Variants in CPEB1 observed in about 807,000 individuals in gnomAD.
The protein encoded by CPEB1 is cytoplasmic polyadenylation element binding protein 1.
In CPEB1, 7 loss-of-function variants were observed where a neutral mutation model predicts 65.8. The observed-to-expected ratio is 0.11, with a 90% CI of 0.06 to 0.20. CPEB1 has a LOEUF of 0.20. CPEB1 is among the 10% of genes least tolerant of loss of function. The probability of loss-of-function intolerance (pLI) is 1.00; values close to 1 mark genes in which losing one functional copy is unlikely to be tolerated. For synonymous variants in CPEB1, 262 were observed against 260.0 expected (o/e 1.01, Z -0.08); for missense variants, 551 against 712.2 (o/e 0.77, Z 2.58).
chr15:82,557,909 C>A lies in CPEB1; in HGVS notation c.538G>T (p.Gly180Trp), dbSNP rs1287135294. The change falls in exon 5 of 13, where the codon GGG becomes TGG. Residue 180 changes from glycine to tryptophan, a missense_variant. By Grantham distance (184) the Gly-to-Trp change is radical (BLOSUM62 -2). Around this residue, in one of 6 missense-constraint regions of CPEB1, gnomAD observed 223 missense variants for 228.6 expected, o/e 0.98. Transcript: ENST00000684509. ...GGAAACTTGTCCACCAAGTCAGACC[C>A]AAGGGGATCCAGAGGCAGGAAGCTC... Reference protein sequence around the residue: ...PLSFLPLDPLGSDLVDKFPAP... With the variant: ...PLSFLPLDPLWSDLVDKFPAP... 2 of 1,614,106 alleles carry A rather than the reference C, an allele frequency of 1.2e-6. No individual in the cohort carries two copies. Among genetic ancestry groups the A allele is most frequent in the Non-Finnish European group, 1.7e-6 (2 of 1,180,002 alleles).
chr15:82,571,721 C>T, intron 3 of CPEB1, 189 bp from the exon 4 acceptor site: 1 of 1,425,614 alleles, frequency 7.0e-7, no homozygotes, highest in Non-Finnish European at 9.1e-7. Flanking sequence ...CCATACAGGC[C>T]CCCTCCCCTC....
At chr15:82,545,783 C>T (rs752335100) in intron 12 of CPEB1, among the ~76,000 whole-genome samples, 2 of 152,092 alleles carry the variant, frequency 1.3e-5, no homozygotes, top group South Asian at 4.1e-4. Context: ...GAGGCATCCT[C>T]CTTTACAGAA....
At chr15:82,557,435 T>G in intron 5 of CPEB1, 1 of 303,710 alleles carries the variant, frequency 3.3e-6, no homozygotes, top group Admixed American at 4.8e-5. Flanking sequence ...GCACCCCGTG[T>G]AGGTAAAGAA....
Position 82,548,776 on chromosome 15 carries a change from G to C in CPEB1, c.1480+684C>G, listed in dbSNP as rs1228007923. 1.3e-5 allele frequency: 6 copies of C among 445,908 alleles called. No individual in the cohort carries two copies. In the East Asian group the frequency reaches 2.9e-4, roughly 21 times the overall value. The allele number at this position is 445,908 out of a possible 1,614,324, so 27.6% of individuals were successfully genotyped here. A position where few individuals can be genotyped will look rare whatever the true frequency, so the allele number is the denominator to read the frequency against. ...TCAATCTGCTGCACAGTATTGGTGA[G>C]TACATGGTGCTCCTTCCTGACCAGA... On this transcript the variant is annotated intron_variant, in intron 10 of 12. Coordinates refer to ENST00000684509, the MANE Select transcript of CPEB1 (RefSeq NM_001365242.1).
At chr15:82,588,208 A>T (rs550622810) in intron 3 of CPEB1, among the ~76,000 whole-genome samples, 1 of 151,966 alleles carries the variant, frequency 6.6e-6, no homozygotes, top group Non-Finnish European at 1.5e-5. Flanking sequence ...TTGGCCTCCC[A>T]AAGTGTGGGA....
chr15:82,597,216 C>T (rs540857187), intron 3 of CPEB1, among the ~76,000 whole-genome samples: 38 of 152,244 alleles, frequency 2.5e-4, no homozygotes, highest in Middle Eastern at 6.8e-3. Context: ...GTCCCAGCTA[C>T]TTGGGACACT....
chr15:82,579,780 C>T (rs1449593900), intron 3 of CPEB1, among the ~76,000 whole-genome samples: 1 of 150,700 alleles, frequency 6.6e-6, no homozygotes, highest in Non-Finnish European at 1.5e-5. Flanking sequence ...GGCGCAGTGG[C>T]GGGTGCCTGT....
At chr15:82,557,709 A>T in intron 5 of CPEB1, 51 bp downstream of exon 5, 1 of 1,512,296 alleles carries the variant, frequency 6.6e-7, no homozygotes, top group Non-Finnish European at 9.1e-7. Context: ...CCCCTTGGAC[A>T]CACACAGGCA....
chr15:82,647,790 G>A, upstream of CPEB1: 3 of 1,245,148 alleles, frequency 2.4e-6, no homozygotes, highest in Non-Finnish European at 3.0e-6. Flanking sequence ...ACCCGGCTGC[G>A]CGCGGACCGT....
chr15:82,571,232 T>TGTATG, intron 4 of CPEB1, 112 bp downstream of exon 4: 1 of 1,353,846 alleles, frequency 7.4e-7, no homozygotes, highest in Non-Finnish European at 9.9e-7. Flanking sequence ...GTTGTATGTG[T>TGTATG]GTATGGTGGG....
At chr15:82,635,868 A>C (rs183658192) in intron 1 of CPEB1, among the ~76,000 whole-genome samples, 31 of 152,360 alleles carry the variant, frequency 2.0e-4, no homozygotes, top group African/African-American at 7.5e-4. Context: ...GCATTAACAC[A>C]CAGAGAACAA....
chr15:82,596,995 T>C (rs1257385564), intron 3 of CPEB1, among the ~76,000 whole-genome samples: 2 of 152,042 alleles, frequency 1.3e-5, no homozygotes, highest in Non-Finnish European at 2.9e-5. Flanking sequence ...AAAAAGGATA[T>C]CCTTGGTGTG....
intron 1 of CPEB1, chr15:82,630,042 C>T (rs1188197896): frequency 1.3e-5 from 13 of 985,296 alleles, no homozygotes; most frequent in Non-Finnish European, 1.6e-5. Context: ...CTTTTCACAA[C>T]TGTAGATTTC....
At position 82,553,820 on chromosome 15, in the gene CPEB1, C is replaced by G. The variant is rs534761941; in HGVS notation, c.1054+58G>C. The G allele has an allele frequency of 9.7e-6, 12 of 1,235,884 alleles. 1 individual carries two copies. In the South Asian group the frequency reaches 1.5e-4, roughly 15 times the overall value. 76.6% of individuals were successfully genotyped at this position (1,235,884 alleles called of 1,614,324 possible). ...CCTGGCCTCAATTCCAAGTTTCATG[C>G]TCCTGAAAGACATGCCCCACCCTTC... On this transcript the variant is annotated intron_variant, in intron 7 of 12. Coordinates refer to ENST00000684509, the MANE Select transcript of CPEB1 (RefSeq NM_001365242.1).
intron 3 of CPEB1, among the ~76,000 whole-genome samples, chr15:82,576,088 T>C (rs2040612726): frequency 6.6e-6 from 1 of 152,130 alleles, no homozygotes; most frequent in African/African-American, 2.4e-5. Flanking sequence ...CATGTGAGAA[T>C]CAACAGAACA....
chr15:82,629,577 G>C (rs996068165), intron 1 of CPEB1: 1 of 984,942 alleles, frequency 1.0e-6, no homozygotes. Flanking sequence ...TCTTCACTCC[G>C]GTCTCCCTCA....
intron 3 of CPEB1, among the ~76,000 whole-genome samples, chr15:82,589,392 C>A (rs2042043514): frequency 6.6e-6 from 1 of 152,200 alleles, no homozygotes; most frequent in Non-Finnish European, 1.5e-5. Context: ...AACCCCTGCC[C>A]CCATCCTAAT....
In CPEB1 at chr15:82,549,677, T is replaced by A. The variant is rs1422210226; in HGVS notation, c.1282-19A>T. 3 of 1,612,460 alleles carry A rather than the reference T, an allele frequency of 1.9e-6. No individual in the cohort carries two copies. Among genetic ancestry groups the A allele is most frequent in the South Asian group, 1.1e-5 (1 of 91,018 alleles). On this transcript the variant is annotated intron_variant, in intron 9 of 12. Transcript: ENST00000684509. The stretch of plus-strand genomic sequence containing the variant: ...CCTGCACCTGAAAACCACCCAAAGG[T>A]GTATCAGCCCTGGCAGAGAGCCACA...
intron 6 of CPEB1, among the ~76,000 whole-genome samples, chr15:82,555,400 C>T (rs1419260392): frequency 6.6e-6 from 1 of 152,196 alleles, no homozygotes; most frequent in African/African-American, 2.4e-5. Flanking sequence ...CCCCTCCTTC[C>T]CCAGTGCATC....
Sources: allele counts gnomAD v4.1 joint callset (sites outside exome capture counted in the v4.1 genomes callset), GRCh38; gene constraint gnomAD v4.1.1; regional missense constraint gnomAD v4.1.1; transcripts MANE v1.5; gene names NCBI Gene and HGNC (gene_info 2026-07-23, HGNC 2026-07-21).